GLI2: variants seen among roughly 807,000 people sequenced by gnomAD.
GLI2 encodes the protein transcription activator GLI2.
Under a neutral mutation model 78.9 loss-of-function variants are expected in GLI2, and 22 were observed. The ratio of observed to expected loss-of-function variants is 0.28; its 90% CI spans 0.20 to 0.40. The LOEUF (loss-of-function observed/expected upper bound fraction) is 0.40, where lower values mean the gene tolerates loss of function less well. Ranked by LOEUF, GLI2 falls within the 10% of genes least tolerant of loss-of-function variation. The probability of loss-of-function intolerance (pLI) is 1.00; values close to 1 mark genes in which losing one functional copy is unlikely to be tolerated. For missense variants in GLI2, 2,097 were observed against 2,213.2 expected, an observed-to-expected ratio of 0.95 and a Z score of 1.05; for synonymous variants, 974 against 963.7, an observed-to-expected ratio of 1.01 and a Z score of -0.20.
Position 120,990,003 on chromosome 2 carries a change from A to G in GLI2, c.4038A>G (p.Thr1346=), listed in dbSNP as rs1311408192. 1 of 1,609,828 alleles carries G rather than the reference A, an allele frequency of 6.2e-7. No homozygotes were observed. Residue 1346 remains threonine, a synonymous_variant, in exon 14 of 14, where the codon ACA becomes ACG. Transcript: ENST00000361492. ...EPQTGPMGVA[T]AGFGLVQPRP... is the part of the protein sequence containing the mutation. ...AAACAGGCCCGATGGGGGTGGCTAC[A>G]GCAGGCTTTGGCCTAGTGCAGCCCC...
Position 120,893,326 on chromosome 2 carries a change from GC to G in GLI2, c.149-34029del, listed in dbSNP as rs903464444. ...TTTCAAACCCTGGTGGCCCCTGCCC[GC>G]CCCCCAGCCTCCCCTCCCCCACCTG... On this transcript the variant is annotated intron_variant, in intron 2 of 13. Transcript: ENST00000361492. 5.4e-3 allele frequency among the ~76,000 whole-genome samples: 794 copies of G among 145,758 alleles called. 5 individuals carry two copies. Among genetic ancestry groups the G allele is most frequent in the African/African-American group, 0.019 (771 of 40,298 alleles).
intron 1 of GLI2, among the ~76,000 whole-genome samples, chr2:120,758,310 A>C (rs929928249): frequency 6.6e-6 from 1 of 152,254 alleles, no homozygotes; most frequent in Non-Finnish European, 1.5e-5. Flanking sequence ...GAGCTGCATC[A>C]GGGCAGAAAG....
At chr2:120,794,051 C>G (rs1684271447) in intron 1 of GLI2, among the ~76,000 whole-genome samples, 2 of 152,230 alleles carry the variant, frequency 1.3e-5, no homozygotes, top group Non-Finnish European at 2.9e-5. Context: ...CTTCTAGTTA[C>G]CAGCTTGAGC....
At chr2:120,983,698 T>A (rs1282640393) in intron 11 of GLI2, among the ~76,000 whole-genome samples, 1 of 152,196 alleles carries the variant, frequency 6.6e-6, no homozygotes, top group Non-Finnish European at 1.5e-5. Flanking sequence ...GCCGGTGGCA[T>A]CCTGGCCCAG....
At chr2:120,941,233 C>G (rs907850129) in intron 3 of GLI2, among the ~76,000 whole-genome samples, 1 of 152,214 alleles carries the variant, frequency 6.6e-6, no homozygotes, top group Non-Finnish European at 1.5e-5. Flanking sequence ...CCATTGTTTT[C>G]CAAAAGAATT....
chr2:120,910,326 A>G (rs1187933), intron 2 of GLI2, among the ~76,000 whole-genome samples: 79,747 of 152,082 alleles, frequency 0.52, 24,884 homozygotes, highest in African/African-American at 0.88. Flanking sequence ...CAAGGGATGC[A>G]TTTTAATTTA....
At chr2:120,923,697 GAC>G (rs750827432) in intron 2 of GLI2, among the ~76,000 whole-genome samples, 7 of 151,752 alleles carry the variant, frequency 4.6e-5, no homozygotes, top group East Asian at 3.9e-4. Flanking sequence ...TACATATAAA[GAC>G]ACACACGTAC....
At chr2:120,783,436 C>T (rs11685068) in intron 1 of GLI2, among the ~76,000 whole-genome samples, 9,759 of 152,092 alleles carry the variant, frequency 0.064, 406 homozygotes, top group Admixed American at 0.11. Context: ...TTGCAGGCTC[C>T]GTGTAGACTG....
chr2:120,812,662 G>A (rs1573415219), intron 2 of GLI2, among the ~76,000 whole-genome samples: 1 of 152,308 alleles, frequency 6.6e-6, no homozygotes, highest in South Asian at 2.1e-4. Flanking sequence ...CATGGTCTCT[G>A]TCTGGGGACA....
intron 1 of GLI2, among the ~76,000 whole-genome samples, chr2:120,746,831 T>A (rs1249998487): frequency 6.6e-6 from 1 of 152,214 alleles, no homozygotes; most frequent in Non-Finnish European, 1.5e-5. Flanking sequence ...TTTTGCTCTA[T>A]CCTTTCTTAC....
At chr2:120,890,411 A>C (rs1392046419) in intron 2 of GLI2, among the ~76,000 whole-genome samples, 2 of 151,402 alleles carry the variant, frequency 1.3e-5, no homozygotes, top group Non-Finnish European at 2.9e-5. Flanking sequence ...CCTTTAATGA[A>C]ATTGCATAAA....
chr2:120,911,116 C>T (rs760724226), intron 2 of GLI2, among the ~76,000 whole-genome samples: 13 of 152,202 alleles, frequency 8.5e-5, no homozygotes, highest in Non-Finnish European at 1.5e-4. Context: ...GGCCTTCCCC[C>T]GGCCTCATTT....
intron 2 of GLI2, among the ~76,000 whole-genome samples, chr2:120,814,861 C>T (rs186892853): frequency 2.9e-5 from 4 of 139,912 alleles, no homozygotes; most frequent in South Asian, 2.3e-4. Context: ...CAAAAAGCTT[C>T]GGGACCATTG....
chr2:120,982,197 A>G (rs1318824354), intron 10 of GLI2, among the ~76,000 whole-genome samples: 1 of 152,174 alleles, frequency 6.6e-6, no homozygotes, highest in Non-Finnish European at 1.5e-5. Context: ...AGTGGAGTCA[A>G]AGAACTGAAA....
chr2:120,885,569 G>T (rs545178692), intron 2 of GLI2, among the ~76,000 whole-genome samples: 244 of 152,310 alleles, frequency 1.6e-3, no homozygotes, highest in African/African-American at 5.6e-3. Context: ...CAGAGGCCTC[G>T]GGGCCTGGGG....
At chr2:120,823,841 A>G (rs2310896) in intron 2 of GLI2, among the ~76,000 whole-genome samples, 122,351 of 152,108 alleles carry the variant, frequency 0.8, 50,577 homozygotes, top group Middle Eastern at 0.91. Flanking sequence ...AGTACCATGC[A>G]GGCCAAGGGA....
At chr2:120,817,537 C>G (rs1200449753) in intron 2 of GLI2, among the ~76,000 whole-genome samples, 1 of 152,226 alleles carries the variant, frequency 6.6e-6, no homozygotes, top group Non-Finnish European at 1.5e-5. Flanking sequence ...TCCCTGGCTT[C>G]TAAGCTCCCC....
intron 2 of GLI2, among the ~76,000 whole-genome samples, chr2:120,909,416 C>T (rs1456033385): frequency 6.6e-6 from 1 of 152,180 alleles, no homozygotes; most frequent in Non-Finnish European, 1.5e-5. Flanking sequence ...GGCTCTGTCC[C>T]TTGCTGTGAA....
intron 5 of GLI2, among the ~76,000 whole-genome samples, chr2:120,959,636 T>C (rs1236862999): frequency 6.6e-6 from 1 of 152,156 alleles, no homozygotes; most frequent in Non-Finnish European, 1.5e-5. Context: ...ACCTGGGCTC[T>C]CAGCCAGGCG....
Sources: gnomAD v4.1 joint callset for allele counts (sites outside exome capture counted in the v4.1 genomes callset) on GRCh38, gnomAD v4.1.1 for gene constraint, MANE v1.5 for transcripts, NCBI Gene and HGNC (gene_info 2026-07-23, HGNC 2026-07-21) for gene names.